The following ABCA10 variants were observed in gnomAD, a reference collection of about 807,000 sequenced individuals.
The protein encoded by ABCA10 is ATP binding cassette subfamily A member 10, also known as ATP-binding cassette sub-family A member 10.
ABCA10 carries 169 observed loss-of-function variants against 187.5 expected under a neutral mutation model. The observed-to-expected ratio is 0.90, with a 90% CI of 0.80 to 1.02. The LOEUF (loss-of-function observed/expected upper bound fraction) is 1.02, where lower values mean the gene tolerates loss of function less well. Ranked by LOEUF, ABCA10 falls within the 50% of genes least tolerant of loss-of-function variation. The pLI is 0.00. For synonymous variants in ABCA10, 574 were observed against 601.8 expected, an observed-to-expected ratio of 0.95 and a Z score of 0.68; for missense variants, 1,727 against 1,812.4, an observed-to-expected ratio of 0.95 and a Z score of 0.86.
At chr17:69,241,842 G>A (rs1396023271) in intron 1 of ABCA10, among the ~76,000 whole-genome samples, 1 of 152,172 alleles carries the variant, frequency 6.6e-6, no homozygotes, top group Non-Finnish European at 1.5e-5. Flanking sequence ...TTAGAAAAGT[G>A]CTTGATTCTT....
At chr17:69,176,961 G>T (rs1216366576) in intron 22 of ABCA10, among the ~76,000 whole-genome samples, 1 of 151,980 alleles carries the variant, frequency 6.6e-6, no homozygotes, top group Non-Finnish European at 1.5e-5. Context: ...TCTCTACTTG[G>T]GTGTACTGCT....
In ABCA10 at chr17:69,187,947, A is replaced by T. The variant is rs878983145; in HGVS notation, c.2132-68T>A. 2.8e-6 allele frequency: 4 copies of T among 1,444,092 alleles called. No individual in the cohort carries two copies. In the South Asian group the frequency reaches 4.9e-5, roughly 18 times the overall value. The allele number at this position is 1,444,092 out of a possible 1,614,324, so 89.5% of individuals were successfully genotyped here. On this transcript the variant is annotated intron_variant, in intron 18 of 38. Coordinates refer to ENST00000690296, the MANE Select transcript of ABCA10 (RefSeq NM_001377321.1). ...GAACTTTCTCTTTAAAAACTTTGAA[A>T]ATGATGTTAGACTATTTGAAACAGC...
chr17:69,182,407 T>C, intron 21 of ABCA10, 117 bp from the exon 22 acceptor site: 2 of 1,021,870 alleles, frequency 2.0e-6, no homozygotes, highest in Non-Finnish European at 2.6e-6. Flanking sequence ...AATTTTTCTT[T>C]GACACTTCTG....
chr17:69,208,807 T>C (rs2074612799), intron 9 of ABCA10, among the ~76,000 whole-genome samples: 1 of 152,106 alleles, frequency 6.6e-6, no homozygotes, highest in Non-Finnish European at 1.5e-5. Flanking sequence ...GTGGCCAAGG[T>C]GGGAGGATCC....
intron 1 of ABCA10, among the ~76,000 whole-genome samples, chr17:69,237,040 T>G (rs374384043): frequency 6.6e-6 from 1 of 152,188 alleles, no homozygotes; most frequent in East Asian, 1.9e-4. Context: ...TGGTCAAATA[T>G]TAATGGCATG....
chr17:69,159,660 T>A (rs1320210425), intron 27 of ABCA10, among the ~76,000 whole-genome samples: 1 of 151,964 alleles, frequency 6.6e-6, no homozygotes, highest in Non-Finnish European at 1.5e-5. Flanking sequence ...AAAAAAAGTA[T>A]CCAAAAATTG....
At chr17:69,205,299 A>G (rs1374334923) in intron 9 of ABCA10, among the ~76,000 whole-genome samples, 1 of 152,212 alleles carries the variant, frequency 6.6e-6, no homozygotes, top group Non-Finnish European at 1.5e-5. Flanking sequence ...AGCCTCCTAT[A>G]CACAACGTAG....
At chr17:69,173,415 A>C (rs908192743) in intron 25 of ABCA10, among the ~76,000 whole-genome samples, 1 of 152,150 alleles carries the variant, frequency 6.6e-6, no homozygotes, top group Admixed American at 6.6e-5. Flanking sequence ...ATGTAACTGT[A>C]ACAGCTCCAG....
At chr17:69,226,165 T>A (rs1198652162) in intron 2 of ABCA10, among the ~76,000 whole-genome samples, 1 of 152,022 alleles carries the variant, frequency 6.6e-6, no homozygotes, top group East Asian at 1.9e-4. Flanking sequence ...TTTGAGATAC[T>A]AAAATATTTA....
At chr17:69,231,242 A>T (rs80106196), upstream of ABCA10, among the ~76,000 whole-genome samples, 11,971 of 152,090 alleles carry the variant, frequency 0.079, 579 homozygotes, top group Non-Finnish European at 0.1. Flanking sequence ...ATTACGTGGC[A>T]TTCTCTCTTC....
Position 69,182,828 on chromosome 17 carries a change from GCAAC to G in ABCA10, c.2498-24_2498-21del. Reference sequence around the variant, plus strand: ...TTGATCCTAACATAGTGGAAGGAAGGCAACAAGAAAAAAAAAAAAAAAGCAAGAA... The same window carrying G: ...TTGATCCTAACATAGTGGAAGGAAGGAAGAAAAAAAAAAAAAAAGCAAGAA... On this transcript the variant is annotated intron_variant, in intron 20 of 38. Transcript: ENST00000690296. 6.9e-7 allele frequency: 1 copy of G among 1,446,206 alleles called. No homozygotes were observed. Among genetic ancestry groups the G allele is most frequent in the African/African-American group, 2.1e-5 (1 of 46,876 alleles). The allele number at this position is 1,446,206 out of a possible 1,614,324, so 89.6% of individuals were successfully genotyped here.
intron 23 of ABCA10, 24 bp from the exon 24 acceptor site, chr17:69,174,801 AG>A (rs1274850030): frequency 4.6e-6 from 7 of 1,525,462 alleles, no homozygotes; most frequent in Non-Finnish European, 6.1e-6. Flanking sequence ...GAAGGGATAG[AG>A]GAAGGGATCT....
At position 69,191,264 on chromosome 17, in the gene ABCA10, C is replaced by T. The variant is rs1327175373; in HGVS notation, c.1923G>A (p.Lys641=). Residue 641 remains lysine (K), a synonymous_variant, in exon 17 of 39, where the codon AAG becomes AAA. Transcript: ENST00000690296. Reference sequence around the variant, plus strand: ...TTAACTTGGCATCAGGAATGTGCTGCTTAATAAGGGATGTGATTTTTTCTG... The same window carrying T: ...TTAACTTGGCATCAGGAATGTGCTGTTTAATAAGGGATGTGATTTTTTCTG... ...CDTEKITSLI[K]QHIPDAKLTT... is the part of the protein sequence containing the mutation. 18 of 1,604,656 alleles carry T rather than the reference C, an allele frequency of 1.1e-5. No homozygotes were observed. The highest frequency in any genetic ancestry group is 1.4e-5 in the Non-Finnish European group (17 of 1,174,644).
At chr17:69,163,528 T>C (rs946363180) in intron 27 of ABCA10, among the ~76,000 whole-genome samples, 2 of 152,152 alleles carry the variant, frequency 1.3e-5, no homozygotes, top group South Asian at 2.1e-4. Flanking sequence ...TAAAAATGTA[T>C]AAAAGTTTAT....
In ABCA10 at chr17:69,222,716, A is replaced by T. The variant is rs567271580; in HGVS notation, c.35-19T>A. The T allele has an allele frequency of 1.3e-6, 2 of 1,542,596 alleles. No homozygotes were observed. The highest frequency in any genetic ancestry group is 1.7e-6 in the Non-Finnish European group (2 of 1,156,016). The stretch of plus-strand genomic sequence containing the variant: ...GTTCTTCCTACCATGTATGAAAAAC[A>T]TAAATAAATAATCATGTAAACTTAT... On this transcript the variant is annotated intron_variant, in intron 3 of 38. Transcript: ENST00000690296.
chr17:69,214,350 C>G (rs552105091), intron 9 of ABCA10, among the ~76,000 whole-genome samples: 169 of 151,886 alleles, frequency 1.1e-3, no homozygotes, highest in African/African-American at 3.8e-3. Flanking sequence ...CCCGTCTCTA[C>G]TAAAAATACA....
chr17:69,152,262 TTACAGGTTAGGGAGCTGTAGAGC>T, intron 35 of ABCA10, 77 bp downstream of exon 35: 1 of 1,571,908 alleles, frequency 6.4e-7, no homozygotes, highest in Non-Finnish European at 8.6e-7. Flanking sequence ...AGGTGTTTAA[TTACAGGTTAGGGAGCTGTAGAGC>T]ATCAGCTGTT....
rs1181394625 is a variant in ABCA10, at chr17:69,156,927, A to C, written c.3364-4T>G. On this transcript the variant is annotated splice_polypyrimidine_tract_variant and splice_region_variant and intron_variant, in intron 27 of 38. Transcript: ENST00000690296. Reference sequence around the variant, plus strand: ...AAATAACACTCTGAAGGTATGGCTAAAAGAAAAGAAAAATAATCAGAATTA... The same window carrying C: ...AAATAACACTCTGAAGGTATGGCTACAAGAAAAGAAAAATAATCAGAATTA... The C allele has an allele frequency of 1.3e-6, 2 of 1,534,390 alleles. No individual in the cohort carries two copies. The highest frequency in any genetic ancestry group is 1.8e-6 in the Non-Finnish European group (2 of 1,128,522).
intron 9 of ABCA10, among the ~76,000 whole-genome samples, chr17:69,211,335 ATATATAT>A: frequency 8.0e-6 from 1 of 124,996 alleles, no homozygotes; most frequent in South Asian, 2.7e-4. Flanking sequence ...ATATATATAT[ATATATAT>A]ATATATATAT....
Sources: allele counts gnomAD v4.1 joint callset (sites outside exome capture counted in the v4.1 genomes callset), GRCh38; gene constraint gnomAD v4.1.1; transcripts MANE v1.5; gene names NCBI Gene and HGNC (gene_info 2026-07-23, HGNC 2026-07-21).